CNST: variants seen among roughly 807,000 people sequenced by gnomAD.
CNST encodes the protein consortin.
A neutral mutation model predicts 72.4 loss-of-function variants in CNST; 39 were observed. That is an observed-to-expected ratio of 0.54 (90% CI 0.42 to 0.70). The LOEUF (loss-of-function observed/expected upper bound fraction) is 0.70, where lower values mean the gene tolerates loss of function less well. Among genes scored for constraint, CNST ranks in the 30% least tolerant of loss-of-function variants. The probability of loss-of-function intolerance (pLI) is 0.00; values close to 1 mark genes in which losing one functional copy is unlikely to be tolerated. For missense variants in CNST, 871 were observed against 868.5 expected (o/e 1.00, Z -0.04); for synonymous variants, 332 against 320.1 (o/e 1.04, Z -0.40).
At chr1:246,595,636 C>T (rs1156499920) in intron 2 of CNST, among the ~76,000 whole-genome samples, 1 of 152,036 alleles carries the variant, frequency 6.6e-6, no homozygotes, top group Admixed American at 6.6e-5. Flanking sequence ...TGAATAGCTT[C>T]TCAAATGTGA....
chr1:246,613,334 T>C (rs1269785824), intron 2 of CNST, among the ~76,000 whole-genome samples: 1 of 152,086 alleles, frequency 6.6e-6, no homozygotes, highest in Non-Finnish European at 1.5e-5. Context: ...TCAGGGTGTG[T>C]TGGTGGCTAT....
intron 1 of CNST, among the ~76,000 whole-genome samples, chr1:246,573,634 G>A (rs1038306966): frequency 1.3e-5 from 2 of 152,164 alleles, no homozygotes; most frequent in Non-Finnish European, 2.9e-5. Context: ...GTGTGTCCAT[G>A]GCTTGCCTTC....
intron 1 of CNST, among the ~76,000 whole-genome samples, chr1:246,573,805 C>T (rs1660210942): frequency 6.6e-6 from 1 of 152,196 alleles, no homozygotes; most frequent in South Asian, 2.1e-4. Context: ...AAACCACGTA[C>T]TTTGTATAGC....
chr1:246,622,589 G>A (rs1363960494), intron 3 of CNST, among the ~76,000 whole-genome samples: 1 of 152,146 alleles, frequency 6.6e-6, no homozygotes, highest in Non-Finnish European at 1.5e-5. Flanking sequence ...GTGACATTGA[G>A]ACTTTATTTT....
intron 2 of CNST, among the ~76,000 whole-genome samples, chr1:246,601,196 T>C (rs1662266992): frequency 6.6e-6 from 1 of 152,024 alleles, no homozygotes; most frequent in Non-Finnish European, 1.5e-5. Context: ...TCCCAGCTAC[T>C]CAGGAGACTG....
intron 2 of CNST, among the ~76,000 whole-genome samples, chr1:246,600,191 G>A (rs557855128): frequency 8.0e-4 from 122 of 152,360 alleles, no homozygotes; most frequent in African/African-American, 2.7e-3. Context: ...CTACATTTCA[G>A]TATCTGCTAA....
rs6688893 is a variant in CNST at position 246,588,148 on chromosome 1, A to G, written c.-51-3364A>G. 9.1e-3 allele frequency among the ~76,000 whole-genome samples: 1,387 copies of G among 152,010 alleles called. 30 individuals carry two copies. Among genetic ancestry groups the G allele is most frequent in the African/African-American group, 0.032 (1,319 of 41,500 alleles). Reference sequence around the variant, plus strand: ...TTATGAAATTATATTTTTTATTTTTATTAAAGAAATGTTAAAACAATGTGA... The same window carrying G: ...TTATGAAATTATATTTTTTATTTTTGTTAAAGAAATGTTAAAACAATGTGA... On this transcript the variant is annotated intron_variant, in intron 1 of 10. Coordinates refer to ENST00000366513, the MANE Select transcript of CNST (RefSeq NM_152609.3).
At chr1:246,639,932 A>G (rs558608228) in intron 6 of CNST, among the ~76,000 whole-genome samples, 6 of 150,756 alleles carry the variant, frequency 4.0e-5, no homozygotes, top group Non-Finnish European at 7.4e-5. Context: ...CGGATGGCCA[A>G]TCTCTCCATC....
At chr1:246,572,828 G>T (rs1186234594) in intron 1 of CNST, among the ~76,000 whole-genome samples, 2 of 152,272 alleles carry the variant, frequency 1.3e-5, no homozygotes, top group South Asian at 2.1e-4. Flanking sequence ...CTCTCAAAGT[G>T]CTGGGATTAC....
rs542467121 is a variant in CNST, at chr1:246,616,484, G to A, written c.380-4945G>A. 2.3e-4 allele frequency among the ~76,000 whole-genome samples: 35 copies of A among 152,258 alleles called. 2 individuals carry two copies. The South Asian group carries it at 7.3e-3, about 32-fold the overall frequency. On this transcript the variant is annotated intron_variant, in intron 2 of 10. Transcript: ENST00000366513. ...GAGGTGGGAGGGTCGCTTGAGCCTGGGAGGTTGAGGCTTCAGTGAGTCATG... is the reference window on the plus strand; with the variant it reads ...GAGGTGGGAGGGTCGCTTGAGCCTGAGAGGTTGAGGCTTCAGTGAGTCATG...
rs558869494 is a variant in CNST at position 246,658,766 on chromosome 1, A to G, written c.1837-1433A>G. Among the ~76,000 whole-genome samples, 104 of 152,202 alleles carry G rather than the reference A, an allele frequency of 6.8e-4. 1 individual carries two copies. Among genetic ancestry groups the G allele is most frequent in the South Asian group, 1.2e-3 (6 of 4,828 alleles). Reference sequence around the variant, plus strand: ...GGCCTGATGCCAGCAAGTCACTGACATCTTCGGTGTTAGGCCCACAGTGCC... The same window carrying G: ...GGCCTGATGCCAGCAAGTCACTGACGTCTTCGGTGTTAGGCCCACAGTGCC... On this transcript the variant is annotated intron_variant, in intron 9 of 10. Transcript: ENST00000366513.
At chr1:246,599,635 C>A (rs1002824644) in intron 2 of CNST, among the ~76,000 whole-genome samples, 1 of 152,156 alleles carries the variant, frequency 6.6e-6, no homozygotes, top group African/African-American at 2.4e-5. Context: ...GGGCTGGGCG[C>A]AATGGCTCAC....
chr1:246,649,061 T>C (rs1335029942), intron 9 of CNST, among the ~76,000 whole-genome samples: 2 of 152,158 alleles, frequency 1.3e-5, no homozygotes, highest in African/African-American at 4.8e-5. Context: ...TTGCCAAAAT[T>C]AGATAGAATA....
At chr1:246,578,334 T>TA (rs1362961774) in intron 1 of CNST, among the ~76,000 whole-genome samples, 2 of 152,086 alleles carry the variant, frequency 1.3e-5, no homozygotes, top group African/African-American at 2.4e-5. Flanking sequence ...TATCGTGCTC[T>TA]AAAAAATGGG....
At chr1:246,602,869 C>G (rs745973577) in intron 2 of CNST, among the ~76,000 whole-genome samples, 1 of 148,664 alleles carries the variant, frequency 6.7e-6, no homozygotes, top group Non-Finnish European at 1.5e-5. Context: ...GTACAGACAG[C>G]CCAGTTAGAT....
chr1:246,636,279 G>C (rs959388283), intron 6 of CNST, among the ~76,000 whole-genome samples: 3 of 152,130 alleles, frequency 2.0e-5, no homozygotes, highest in Non-Finnish European at 4.4e-5. Context: ...CAGTCCACTT[G>C]CGGGATATGC....
intron 2 of CNST, chr1:246,607,674 G>A (rs1662973725): frequency 2.8e-5 from 1 of 36,254 alleles, no homozygotes; most frequent in African/African-American, 1.4e-4. Context: ...CGATCCTCAG[G>A]AGTAATGTCT....
At chr1:246,576,776 G>A (rs1428138489) in intron 1 of CNST, among the ~76,000 whole-genome samples, 1 of 151,906 alleles carries the variant, frequency 6.6e-6, no homozygotes, top group Admixed American at 6.6e-5. Flanking sequence ...TTACAGGCGT[G>A]AGCCACCGCA....
chr1:246,642,854 A>G (rs1665807260), intron 8 of CNST, among the ~76,000 whole-genome samples: 2 of 125,810 alleles, frequency 1.6e-5, no homozygotes, highest in African/African-American at 3.2e-5. Flanking sequence ...GATGATGATG[A>G]TGGTGTTGAT....
Sources: gnomAD v4.1 joint callset for allele counts (sites outside exome capture counted in the v4.1 genomes callset) on GRCh38, gnomAD v4.1.1 for gene constraint, MANE v1.5 for transcripts, NCBI Gene and HGNC (gene_info 2026-07-23, HGNC 2026-07-21) for gene names.